B4GALT1: variants seen among roughly 807,000 people sequenced by gnomAD.
B4GALT1 encodes beta-1,4-galactosyltransferase 1.
A neutral mutation model predicts 34.9 loss-of-function variants in B4GALT1; 16 were observed. The ratio of observed to expected loss-of-function variants is 0.46; its 90% CI spans 0.31 to 0.70. The LOEUF (loss-of-function observed/expected upper bound fraction) is 0.70, where lower values mean the gene tolerates loss of function less well. Ranked by LOEUF, B4GALT1 falls within the 30% of genes least tolerant of loss-of-function variation. B4GALT1 has a pLI of 0.05. For synonymous variants in B4GALT1, 221 were observed against 218.1 expected (o/e 1.01, Z -0.12); for missense variants, 445 against 530.5 (o/e 0.84, Z 1.58).
chr9:33,113,838 C>T lies in B4GALT1; in HGVS notation c.1000G>A (p.Val334Met). 6.2e-7 allele frequency: 1 copy of T among 1,614,210 alleles called. No homozygotes were observed. The highest frequency in any genetic ancestry group is 1.3e-5 in the African/African-American group (1 of 75,052). Reference sequence around the variant, plus strand: ...CGGATCATGCGACACCTCCCGACCACAGCATTTGGGCGAGATATAGACATG... The same window carrying T: ...CGGATCATGCGACACCTCCCGACCATAGCATTTGGGCGAGATATAGACATG... ...RGMSISRPNA[V>M]VGRCRMIRHS... Residue 334 changes from valine (V) to methionine (M), a missense_variant, in exon 5 of 6, where the codon GTG becomes ATG. Physicochemically the swap from Val to Met is conservative, Grantham distance 21. This residue lies in a region of B4GALT1 where 89 missense variants were observed against 107.6 expected (regional missense o/e 0.83). Transcript: ENST00000379731.
At chr9:33,127,386 G>T (rs1840128467) in intron 2 of B4GALT1, among the ~76,000 whole-genome samples, 1 of 152,234 alleles carries the variant, frequency 6.6e-6, no homozygotes, top group South Asian at 2.1e-4. Context: ...GTGGTGCTAA[G>T]CATGTTCAGG....
At chr9:33,178,423 A>G in the B4GALT1 span, among the ~76,000 whole-genome samples, 1 of 152,184 alleles carries the variant, frequency 6.6e-6, no homozygotes, top group Non-Finnish European at 1.5e-5. Flanking sequence ...TTGATAAGAG[A>G]TGTAGGAAAG....
chr9:33,120,569 T>C lies in B4GALT1; in HGVS notation c.686A>G (p.Asn229Ser), dbSNP rs1840007132. 3.1e-6 allele frequency: 5 copies of C among 1,614,194 alleles called. No individual in the cohort carries two copies. Among genetic ancestry groups the C allele is most frequent in the Admixed American group, 1.7e-5 (1 of 60,014 alleles). ...CTTCAAGGCTTCTTGAAAGCCAACATTGAGGAGCTTAGCACGATTGAATAT... is the reference window on the plus strand; with the variant it reads ...CTTCAAGGCTTCTTGAAAGCCAACACTGAGGAGCTTAGCACGATTGAATAT... ...DTIFNRAKLL[N>S]VGFQEALKDY... Residue 229 changes from asparagine to serine, a missense_variant, in exon 3 of 6, where the codon AAT becomes AGT. Coordinates refer to ENST00000379731, the MANE Select transcript of B4GALT1 (RefSeq NM_001497.4).
downstream of B4GALT1, among the ~76,000 whole-genome samples, chr9:33,106,394 C>T (rs1158065253): frequency 6.6e-6 from 1 of 152,186 alleles, no homozygotes; most frequent in Non-Finnish European, 1.5e-5. Context: ...AGCAGAGGTA[C>T]AGCCACCCTG....
chr9:33,153,134 A>G (rs1434531514), intron 1 of B4GALT1, among the ~76,000 whole-genome samples: 1 of 152,176 alleles, frequency 6.6e-6, no homozygotes, highest in East Asian at 1.9e-4. Context: ...ACAAGATACT[A>G]TGTCTGAATA....
At chr9:33,166,422 TC>T (rs1840754472) in intron 1 of B4GALT1, among the ~76,000 whole-genome samples, 1 of 152,110 alleles carries the variant, frequency 6.6e-6, no homozygotes, top group African/African-American at 2.4e-5. Context: ...GCAAGGCTGC[TC>T]GAAGCCCTAA....
upstream of B4GALT1, among the ~76,000 whole-genome samples, chr9:33,171,124 G>C (rs2118374788): frequency 6.6e-6 from 1 of 152,344 alleles, no homozygotes; most frequent in Middle Eastern, 3.4e-3. Flanking sequence ...AGTTATTTCA[G>C]TCATCTATTG....
In B4GALT1 at chr9:33,166,743, G is replaced by T. The variant is rs752470986; in HGVS notation, c.412+15C>A. 4.7e-6 allele frequency: 7 copies of T among 1,495,910 alleles called. No homozygotes were observed. The highest frequency in any genetic ancestry group is 5.3e-6 in the Non-Finnish European group (6 of 1,130,130). 92.7% of individuals were successfully genotyped at this position (1,495,910 alleles called of 1,614,324 possible). ...GGGTCCCAATCCTCCGACTGGCGCC[G>T]ACCCGAGTCCTTACCAAGCAGCGGG... On this transcript the variant is annotated intron_variant, in intron 1 of 5. Transcript: ENST00000379731.
At chr9:33,135,684 A>G (rs1840259124) in intron 1 of B4GALT1, among the ~76,000 whole-genome samples, 1 of 152,194 alleles carries the variant, frequency 6.6e-6, no homozygotes. Context: ...TCGCCTGCCC[A>G]GGACCCTCCC....
At chr9:33,137,751 C>G (rs1840291601) in intron 1 of B4GALT1, among the ~76,000 whole-genome samples, 1 of 152,312 alleles carries the variant, frequency 6.6e-6, no homozygotes, top group South Asian at 2.1e-4. Context: ...GATGGACCAT[C>G]TGATGGGCAT....
At chr9:33,173,102 T>G in the B4GALT1 span, among the ~76,000 whole-genome samples, 1 of 152,000 alleles carries the variant, frequency 6.6e-6, no homozygotes, top group Non-Finnish European at 1.5e-5. Context: ...ACAGCAACAC[T>G]GATTAAAAAG....
chr9:33,168,828 A>G (rs1056376481), upstream of B4GALT1, among the ~76,000 whole-genome samples: 9 of 152,170 alleles, frequency 5.9e-5, no homozygotes, highest in African/African-American at 1.9e-4. Context: ...TCAACTGCTT[A>G]TTTTACTGGC....
intron 1 of B4GALT1, among the ~76,000 whole-genome samples, chr9:33,136,212 G>A (rs1840270246): frequency 6.6e-6 from 1 of 152,230 alleles, no homozygotes. Context: ...TTCTGGCCTA[G>A]AAGAACATGG....
chr9:33,136,967 C>G (rs1840281542), intron 1 of B4GALT1, among the ~76,000 whole-genome samples: 1 of 148,466 alleles, frequency 6.7e-6, no homozygotes, highest in Admixed American at 6.7e-5. Flanking sequence ...CCTGCTTCCT[C>G]TCACCAGATA....
chr9:33,139,907 G>C (rs778759961), intron 1 of B4GALT1, among the ~76,000 whole-genome samples: 1 of 152,250 alleles, frequency 6.6e-6, no homozygotes, highest in African/African-American at 2.4e-5. Context: ...CTGGAAGCTG[G>C]GAGGCAGGGT....
At chr9:33,171,742 A>G (rs1216943925), upstream of B4GALT1, among the ~76,000 whole-genome samples, 2 of 152,078 alleles carry the variant, frequency 1.3e-5, no homozygotes, top group Non-Finnish European at 2.9e-5. Flanking sequence ...TTTAGTAGAG[A>G]TGAGATGTTG....
chr9:33,120,739 T>A, intron 2 of B4GALT1, 133 bp from the exon 3 acceptor site: 1 of 868,900 alleles, frequency 1.2e-6, no homozygotes, highest in African/African-American at 1.7e-5. Flanking sequence ...GCCGTCACTC[T>A]ACAATCAACA....
intron 1 of B4GALT1, among the ~76,000 whole-genome samples, chr9:33,165,299 T>C (rs886330110): frequency 1.4e-5 from 2 of 139,018 alleles, no homozygotes; most frequent in Non-Finnish European, 3.1e-5. Context: ...CACGATCTCA[T>C]TTAGTCTTAA....
upstream of B4GALT1, among the ~76,000 whole-genome samples, chr9:33,171,319 G>A (rs1042576186): frequency 6.6e-6 from 1 of 152,192 alleles, no homozygotes; most frequent in African/African-American, 2.4e-5. Context: ...CTCAGAATGG[G>A]TTGGGTCATG....
Sources: gnomAD v4.1 joint callset for allele counts (sites outside exome capture counted in the v4.1 genomes callset) on GRCh38, gnomAD v4.1.1 for gene constraint, gnomAD v4.1.1 regional missense constraint, MANE v1.5 for transcripts, NCBI Gene and HGNC (gene_info 2026-07-23, HGNC 2026-07-21) for gene names.